Variants in PRDM16 observed in about 807,000 individuals in gnomAD.
The protein encoded by PRDM16 is PR/SET domain 16.
In PRDM16, 23 loss-of-function variants were observed where a neutral mutation model predicts 110.6. The ratio of observed to expected loss-of-function variants is 0.21; its 90% CI spans 0.15 to 0.29. The LOEUF is 0.29. PRDM16 is among the 10% of genes least tolerant of loss of function. The pLI is 1.00. For synonymous variants in PRDM16, 799 were observed against 781.8 expected (o/e 1.02, Z -0.37); for missense variants, 1,615 against 1,794.3 (o/e 0.90, Z 1.81).
intron 3 of PRDM16, among the ~76,000 whole-genome samples, chr1:3,292,234 C>T (rs1640991352): frequency 1.3e-5 from 2 of 152,192 alleles, no homozygotes; most frequent in South Asian, 4.1e-4. Flanking sequence ...CGTGGCCCGG[C>T]CTCAAGTCCT....
chr1:3,305,391 G>A (rs1045484725), intron 3 of PRDM16, among the ~76,000 whole-genome samples: 6 of 152,250 alleles, frequency 3.9e-5, no homozygotes, highest in African/African-American at 7.2e-5. Context: ...CCCAGGCCCC[G>A]CCTCGCTGTG....
intron 12 of PRDM16, among the ~76,000 whole-genome samples, chr1:3,424,127 G>A (rs190569766): frequency 3.0e-3 from 453 of 152,298 alleles, no homozygotes; most frequent in Non-Finnish European, 4.8e-3. Flanking sequence ...TGCCCCCCAG[G>A]GAGGAGGCTG....
At chr1:3,386,153 G>A (rs540994812) in intron 4 of PRDM16, among the ~76,000 whole-genome samples, 15 of 152,250 alleles carry the variant, frequency 9.9e-5, no homozygotes, top group African/African-American at 3.1e-4. Context: ...CGGGGTGCCC[G>A]GGGTGCCCGG....
At chr1:3,166,058 C>T (rs573516838) in intron 1 of PRDM16, among the ~76,000 whole-genome samples, 4 of 152,348 alleles carry the variant, frequency 2.6e-5, no homozygotes, top group Admixed American at 1.3e-4. Flanking sequence ...GGATGGCGGG[C>T]GAGCCCCTCC....
chr1:3,166,410 G>A (rs917262815), intron 1 of PRDM16, among the ~76,000 whole-genome samples: 1 of 152,248 alleles, frequency 6.6e-6, no homozygotes, highest in Non-Finnish European at 1.5e-5. Flanking sequence ...ATTCTAGCAA[G>A]GAGAGCCAAA....
At chr1:3,314,676 C>G (rs1381142133) in intron 3 of PRDM16, among the ~76,000 whole-genome samples, 2 of 151,858 alleles carry the variant, frequency 1.3e-5, no homozygotes, top group African/African-American at 4.8e-5. Flanking sequence ...CCTTCGCCCC[C>G]GTAGCCAGTT....
At chr1:3,344,084 C>A (rs901736485) in intron 3 of PRDM16, among the ~76,000 whole-genome samples, 16 of 152,182 alleles carry the variant, frequency 1.1e-4, no homozygotes, top group African/African-American at 3.6e-4. Flanking sequence ...TGCTGGTGAT[C>A]CCAGTGCTCT....
At chr1:3,345,092 G>A (rs1477183384) in intron 3 of PRDM16, among the ~76,000 whole-genome samples, 2 of 152,162 alleles carry the variant, frequency 1.3e-5, no homozygotes, top group African/African-American at 2.4e-5. Flanking sequence ...TGACCCATCT[G>A]TCCCATAAGA....
chr1:3,377,758 C>T (rs961962075), intron 3 of PRDM16, among the ~76,000 whole-genome samples: 4 of 152,200 alleles, frequency 2.6e-5, no homozygotes, highest in African/African-American at 9.6e-5. Context: ...TAAAGCCGGC[C>T]GTGTGGAGAC....
chr1:3,411,986 G>C lies in PRDM16; in HGVS notation c.1789G>C (p.Asp597His), dbSNP rs753255714. Residue 597 changes from aspartate (D) to histidine (H), a missense_variant, in exon 9 of 17, where the codon GAC becomes CAC. By Grantham distance (81) the Asp-to-His change is moderately conservative. Coordinates refer to ENST00000270722, the MANE Select transcript of PRDM16 (RefSeq NM_022114.4). ...CVEKLKTRSSDMSDGSDFEDV... is the reference protein window; with the variant it reads ...CVEKLKTRSSHMSDGSDFEDV... ...GGAGAAGCTGAAGACCAGGAGCAGC[G>C]ACATGTCGGACGGCAGTGACTTTGA... is the stretch of plus-strand genomic sequence containing the variant. 6.2e-6 allele frequency: 10 copies of C among 1,613,664 alleles called. No individual in the cohort carries two copies. In the South Asian group the frequency reaches 7.7e-5, roughly 12 times the overall value.
At chr1:3,324,867 GAC>G (rs1641852261) in intron 3 of PRDM16, among the ~76,000 whole-genome samples, 1 of 152,148 alleles carries the variant, frequency 6.6e-6, no homozygotes, top group African/African-American at 2.4e-5. Flanking sequence ...GTGCTGATGT[GAC>G]ACAGAACCCT....
chr1:3,424,792 G>A (rs1398514759), intron 12 of PRDM16: 1 of 152,574 alleles, frequency 6.6e-6, no homozygotes, highest in Non-Finnish European at 1.5e-5. Context: ...AGGTCACAGG[G>A]AGCTGGTCTG....
At chr1:3,161,286 A>G (rs1643894973) in intron 1 of PRDM16, among the ~76,000 whole-genome samples, 1 of 152,252 alleles carries the variant, frequency 6.6e-6, no homozygotes, top group Non-Finnish European at 1.5e-5. Context: ...GAAAGTGCTC[A>G]GGGAAAAGTT....
intron 3 of PRDM16, among the ~76,000 whole-genome samples, chr1:3,270,268 C>CACAGTCCCGGAGGAGG (rs1640410706): frequency 7.7e-6 from 1 of 130,148 alleles, no homozygotes. Context: ...ACAGGAGGAG[C>CACAGTCCCGGAGGAGG]ACAGTCCCGG....
intron 3 of PRDM16, among the ~76,000 whole-genome samples, chr1:3,352,775 A>G (rs1175193204): frequency 1.3e-5 from 2 of 152,188 alleles, no homozygotes; most frequent in African/African-American, 2.4e-5. Context: ...TTGAAAACAG[A>G]CATGAGACAG....
intron 3 of PRDM16, among the ~76,000 whole-genome samples, chr1:3,356,549 T>A (rs1052402956): frequency 6.6e-6 from 1 of 152,024 alleles, no homozygotes; most frequent in African/African-American, 2.4e-5. Context: ...GGGTGCAGAG[T>A]ATTTAAAAAT....
intron 3 of PRDM16, among the ~76,000 whole-genome samples, chr1:3,351,845 C>T (rs1642501758): frequency 6.7e-6 from 1 of 149,476 alleles, no homozygotes; most frequent in South Asian, 2.2e-4. Flanking sequence ...GGTTCCGCCT[C>T]CCCCTTGAGA....
intron 1 of PRDM16, among the ~76,000 whole-genome samples, chr1:3,171,274 G>A (rs1032112553): frequency 4.6e-5 from 7 of 152,214 alleles, no homozygotes; most frequent in Non-Finnish European, 7.3e-5. Context: ...CTGTTACGGC[G>A]CTTGCTCAGC....
At chr1:3,423,064 C>G (rs138638936) in intron 12 of PRDM16, among the ~76,000 whole-genome samples, 1,871 of 152,330 alleles carry the variant, frequency 0.012, 22 homozygotes, top group Middle Eastern at 0.024. Flanking sequence ...TGGCCTCCGG[C>G]AAAGGTTGGA....
Sources: gnomAD v4.1 joint callset for allele counts (sites outside exome capture counted in the v4.1 genomes callset) on GRCh38, gnomAD v4.1.1 for gene constraint, MANE v1.5 for transcripts, NCBI Gene and HGNC (gene_info 2026-07-23, HGNC 2026-07-21) for gene names.